PCDH9: variants seen among roughly 807,000 people sequenced by gnomAD.
PCDH9 encodes protocadherin 9, also known as protocadherin-9.
PCDH9 carries 24 observed loss-of-function variants against 70.6 expected under a neutral mutation model. The ratio of observed to expected loss-of-function variants is 0.34; its 90% CI spans 0.25 to 0.48. The LOEUF (loss-of-function observed/expected upper bound fraction) is 0.48, where lower values mean the gene tolerates loss of function less well. PCDH9 is among the 20% of genes least tolerant of loss of function. The pLI, the probability that PCDH9 is intolerant of heterozygous loss-of-function variation, is 0.99. For missense variants in PCDH9, 1,281 were observed against 1,503.6 expected, an observed-to-expected ratio of 0.85 and a Z score of 2.45; for synonymous variants, 562 against 558.5, an observed-to-expected ratio of 1.01 and a Z score of -0.09.
At chr13:66,743,700 T>A (rs1230297642) in intron 3 of PCDH9, among the ~76,000 whole-genome samples, 3 of 152,176 alleles carry the variant, frequency 2.0e-5, no homozygotes, top group Non-Finnish European at 4.4e-5. Context: ...AATAGCTTGA[T>A]CTAGCTATTC....
chr13:66,753,381 G>A (rs1309626185), intron 3 of PCDH9, among the ~76,000 whole-genome samples: 1 of 152,092 alleles, frequency 6.6e-6, no homozygotes, highest in African/African-American at 2.4e-5. Context: ...ACCCAAGACA[G>A]AGAAATCATG....
chr13:66,790,824 TA>T (rs1462486735), intron 3 of PCDH9, among the ~76,000 whole-genome samples: 2 of 152,200 alleles, frequency 1.3e-5, no homozygotes, highest in East Asian at 3.9e-4. Flanking sequence ...TATACAGGAT[TA>T]AAAAAGAAAT....
intron 2 of PCDH9, among the ~76,000 whole-genome samples, chr13:67,122,610 T>C (rs1395357357): frequency 5.3e-5 from 8 of 151,674 alleles, no homozygotes; most frequent in African/African-American, 1.7e-4. Flanking sequence ...CTGTCTGTAC[T>C]AAAATACAAA....
intron 2 of PCDH9, chr13:66,977,416 G>A (rs2083642341): frequency 6.6e-6 from 1 of 151,910 alleles, no homozygotes; most frequent in Non-Finnish European, 1.5e-5. Flanking sequence ...CACAGCTGTA[G>A]GCACATAAAG....
intron 2 of PCDH9, among the ~76,000 whole-genome samples, chr13:66,997,558 G>A (rs1391100882): frequency 4.9e-5 from 6 of 122,572 alleles, no homozygotes; most frequent in Admixed American, 2.7e-4. Flanking sequence ...TTTCTGAGAC[G>A]GAGTCTCACT....
intron 4 of PCDH9, among the ~76,000 whole-genome samples, chr13:66,577,148 T>C (rs547459647): frequency 1.3e-5 from 2 of 152,066 alleles, no homozygotes; most frequent in South Asian, 4.2e-4. Flanking sequence ...ATTATTGTTA[T>C]TTATTTTGTC....
chr13:66,843,621 C>G (rs907653451), intron 3 of PCDH9, among the ~76,000 whole-genome samples: 3 of 152,146 alleles, frequency 2.0e-5, no homozygotes, highest in African/African-American at 7.2e-5. Flanking sequence ...CTCACAGACA[C>G]TAATATTTGT....
intron 4 of PCDH9, among the ~76,000 whole-genome samples, chr13:66,541,504 A>G (rs1960953501): frequency 6.6e-6 from 1 of 152,132 alleles, no homozygotes. Flanking sequence ...GCCTCTTTTA[A>G]TTGTCGGTGG....
intron 2 of PCDH9, among the ~76,000 whole-genome samples, chr13:67,193,551 C>G (rs1260731620): frequency 3.3e-5 from 5 of 152,074 alleles, no homozygotes; most frequent in Non-Finnish European, 5.9e-5. Flanking sequence ...TGAATTTCAA[C>G]TAGAGTACCT....
intron 3 of PCDH9, among the ~76,000 whole-genome samples, chr13:66,821,367 T>C (rs181069528): frequency 2.5e-3 from 380 of 152,250 alleles, no homozygotes; most frequent in Non-Finnish European, 4.0e-3. Flanking sequence ...TAGTAGCTAT[T>C]TCTTTTTGAA....
intron 3 of PCDH9, among the ~76,000 whole-genome samples, chr13:66,879,544 T>G (rs1031702250): frequency 1.3e-5 from 2 of 152,170 alleles, no homozygotes; most frequent in Non-Finnish European, 2.9e-5. Context: ...GATGACATGA[T>G]AGCTTTGGAA....
intron 3 of PCDH9, among the ~76,000 whole-genome samples, chr13:66,823,995 T>G (rs1594107021): frequency 1.3e-5 from 2 of 152,126 alleles, no homozygotes; most frequent in Non-Finnish European, 2.9e-5. Context: ...CTATATAGAT[T>G]CCAAAATTGA....
At chr13:67,012,067 A>T (rs1482765081) in intron 2 of PCDH9, among the ~76,000 whole-genome samples, 1 of 151,662 alleles carries the variant, frequency 6.6e-6, no homozygotes, top group Non-Finnish European at 1.5e-5. Context: ...CCTTTTCTTC[A>T]CTTGCTTCCT....
At chr13:66,483,891 C>T (rs557901336) in intron 4 of PCDH9, among the ~76,000 whole-genome samples, 32 of 152,178 alleles carry the variant, frequency 2.1e-4, no homozygotes, top group South Asian at 6.2e-4. Context: ...GGCTGGACAT[C>T]GAGAGAAGCA....
At chr13:67,188,259 C>A (rs1447530713) in intron 2 of PCDH9, among the ~76,000 whole-genome samples, 1 of 152,088 alleles carries the variant, frequency 6.6e-6, no homozygotes, top group Non-Finnish European at 1.5e-5. Context: ...CAGTGCTATA[C>A]AAGTATTATT....
intron 3 of PCDH9, among the ~76,000 whole-genome samples, chr13:66,657,849 A>T (rs1210865880): frequency 6.6e-6 from 1 of 152,190 alleles, no homozygotes; most frequent in Non-Finnish European, 1.5e-5. Flanking sequence ...GAGCCTGCAC[A>T]TCAAAGAAAT....
intron 2 of PCDH9, among the ~76,000 whole-genome samples, chr13:67,019,221 T>A (rs2084626249): frequency 8.1e-6 from 1 of 123,308 alleles, no homozygotes; most frequent in Non-Finnish European, 1.6e-5. Context: ...TGAGATGGAG[T>A]CTTGCTCTGT....
intron 4 of PCDH9, among the ~76,000 whole-genome samples, chr13:66,605,186 T>A (rs1593765189): frequency 1.3e-5 from 2 of 152,130 alleles, no homozygotes; most frequent in African/African-American, 4.8e-5. Context: ...TGGTAGATTC[T>A]TTTGTAATAG....
chr13:67,177,471 C>A (rs192733061), intron 2 of PCDH9, among the ~76,000 whole-genome samples: 30 of 152,198 alleles, frequency 2.0e-4, no homozygotes, highest in Admixed American at 5.9e-4. Flanking sequence ...TCAGCCTTTA[C>A]TTTACTTTTA....
Sources: gnomAD v4.1 joint callset for allele counts (sites outside exome capture counted in the v4.1 genomes callset) on GRCh38, gnomAD v4.1.1 for gene constraint, MANE v1.5 for transcripts, NCBI Gene and HGNC (gene_info 2026-07-23, HGNC 2026-07-21) for gene names.